Variants in GID8 observed in about 807,000 individuals in gnomAD.
GID8 encodes the protein glucose-induced degradation protein 8 homolog.
A neutral mutation model predicts 27.4 loss-of-function variants in GID8; 6 were observed. That is an observed-to-expected ratio of 0.22 (90% CI 0.12 to 0.43). The LOEUF (loss-of-function observed/expected upper bound fraction) is 0.43. Ranked by LOEUF, GID8 falls within the 20% of genes least tolerant of loss-of-function variation. The pLI, the probability that GID8 is intolerant of heterozygous loss-of-function variation, is 1.00. For missense variants in GID8, 173 were observed against 287.6 expected (o/e 0.60, Z 2.88); for synonymous variants, 112 against 109.0 (o/e 1.03, Z -0.17).
intron 2 of GID8, among the ~76,000 whole-genome samples, chr20:62,942,226 G>A (rs1323533579): frequency 6.6e-6 from 1 of 152,196 alleles, no homozygotes; most frequent in Non-Finnish European, 1.5e-5. Context: ...GACAGAGGAA[G>A]ATTGTTCGCG....
chr20:62,945,472 G>T lies in GID8; in HGVS notation c.*560G>T. 9.8e-7 allele frequency: 1 copy of T among 1,015,896 alleles called. No homozygotes were observed. Among genetic ancestry groups the T allele is most frequent in the South Asian group, 3.8e-5 (1 of 26,452 alleles). The allele number at this position is 1,015,896 out of a possible 1,614,324, so 62.9% of individuals were successfully genotyped here. A position where few individuals can be genotyped will look rare whatever the true frequency, so the allele number is the denominator to read the frequency against. ...ATTTGTTTTCCCTTTGGTCTGGGTT[G>T]TGTGGCTTTTGGGGGATGCGTGTGA... is the stretch of plus-strand genomic sequence containing the variant. On this transcript the variant is annotated 3_prime_UTR_variant, in exon 5 of 5. Transcript: ENST00000266069.
At chr20:62,940,111 TTTGTC>T (rs1285379337) in intron 1 of GID8, among the ~76,000 whole-genome samples, 1 of 152,214 alleles carries the variant, frequency 6.6e-6, no homozygotes, top group African/African-American at 2.4e-5. Context: ...TGTCATGTAT[TTTGTC>T]TTGTTGTTCC....
At position 62,944,985 on chromosome 20, in the gene GID8, C is replaced by A; in HGVS notation, c.*73C>A. On this transcript the variant is annotated 3_prime_UTR_variant, in exon 5 of 5. Coordinates refer to ENST00000266069, the MANE Select transcript of GID8 (RefSeq NM_017896.3). ...CTTGCCTCAGATCAGCCTGCGACTG[C>A]AAGATTCTTACTGCAGTAGAGAACT... The A allele has an allele frequency of 6.6e-7, 1 of 1,512,658 alleles. No individual in the cohort carries two copies. The highest frequency in any genetic ancestry group is 1.3e-5 in the South Asian group (1 of 79,804). The allele number at this position is 1,512,658 out of a possible 1,614,324, so 93.7% of individuals were successfully genotyped here.
chr20:62,943,976 C>T lies in GID8; in HGVS notation c.513+284C>T, dbSNP rs1436926392. Among the ~76,000 whole-genome samples, 5 of 152,014 alleles carry T rather than the reference C, an allele frequency of 3.3e-5. No individual in the cohort carries two copies. Among genetic ancestry groups the T allele is most frequent in the Non-Finnish European group, 5.9e-5 (4 of 68,008 alleles). ...TCTGCCTCCCAAGTAGCTGGGACTA[C>T]AGGAGTGTGCCACCACGCCCAGCTA... On this transcript the variant is annotated intron_variant, in intron 4 of 4. Coordinates refer to ENST00000266069, the MANE Select transcript of GID8 (RefSeq NM_017896.3). The surrounding 1 kb of genome is among the most constrained non-coding windows in gnomAD (Gnocchi z 4.7).
In GID8 at chr20:62,947,906, G is replaced by A. The variant is rs2065473241; in HGVS notation, c.*2994G>A. The A allele has an allele frequency of 6.6e-6, 1 of 152,286 alleles. No individual in the cohort carries two copies. 9.4% of individuals were successfully genotyped at this position (152,286 alleles called of 1,614,324 possible). A position where few individuals can be genotyped will look rare whatever the true frequency, so the allele number is the denominator to read the frequency against. On this transcript the variant is annotated 3_prime_UTR_variant, in exon 5 of 5. Coordinates refer to ENST00000266069, the MANE Select transcript of GID8 (RefSeq NM_017896.3). ...TTCTCTGCGTTGTTAGTTTTGAAGA[G>A]TGGAGGAGCTAGGGGCTCCAGAAAG...
Position 62,945,529 on chromosome 20 carries a change from T to C in GID8, c.*617T>C, listed in dbSNP as rs751740408. 1.6e-4 allele frequency: 165 copies of C among 1,047,992 alleles called. No individual in the cohort carries two copies. Among genetic ancestry groups the C allele is most frequent in the Non-Finnish European group, 1.9e-4 (161 of 866,016 alleles). The allele number at this position is 1,047,992 out of a possible 1,614,324, so 64.9% of individuals were successfully genotyped here. ...TATGTGTTTTTTAATTTTTTAAATA[T>C]ATATTTTGGTGCTGTGTGTGGTAAG... On this transcript the variant is annotated 3_prime_UTR_variant, in exon 5 of 5. Coordinates refer to ENST00000266069, the MANE Select transcript of GID8 (RefSeq NM_017896.3).
In GID8 at chr20:62,947,930, A is replaced by G. The variant is rs1404170965; in HGVS notation, c.*3018A>G. ...AGTGGAGGAGCTAGGGGCTCCAGAAAGAATCTTACACATGTGTTGAAGACA... is the reference window on the plus strand; with the variant it reads ...AGTGGAGGAGCTAGGGGCTCCAGAAGGAATCTTACACATGTGTTGAAGACA... On this transcript the variant is annotated 3_prime_UTR_variant, in exon 5 of 5. Coordinates refer to ENST00000266069, the MANE Select transcript of GID8 (RefSeq NM_017896.3). The G allele has an allele frequency of 6.6e-6, 1 of 152,250 alleles. No individual in the cohort carries two copies. Among genetic ancestry groups the G allele is most frequent in the East Asian group, 1.9e-4 (1 of 5,206 alleles). The allele number at this position is 152,250 out of a possible 1,614,324, so 9.4% of individuals were successfully genotyped here.
rs1411087020 is a variant in GID8 at position 62,944,592 on chromosome 20, G to A, written c.514-147G>A. 3 of 643,872 alleles carry A rather than the reference G, an allele frequency of 4.7e-6. No individual in the cohort carries two copies. In the East Asian group the frequency reaches 8.2e-5, roughly 18 times the overall value. 39.9% of individuals were successfully genotyped at this position (643,872 alleles called of 1,614,324 possible). A position where few individuals can be genotyped will look rare whatever the true frequency, so the allele number is the denominator to read the frequency against. On this transcript the variant is annotated intron_variant, in intron 4 of 4. Coordinates refer to ENST00000266069, the MANE Select transcript of GID8 (RefSeq NM_017896.3). Reference sequence around the variant, plus strand: ...GTGACGTTTAACAACCAGACTGTGAGCTTCCCCAGGCAAGGACTATGTATT... The same window carrying A: ...GTGACGTTTAACAACCAGACTGTGAACTTCCCCAGGCAAGGACTATGTATT...
intron 1 of GID8, among the ~76,000 whole-genome samples, chr20:62,939,489 C>T (rs934342176): frequency 1.3e-5 from 2 of 149,822 alleles, no homozygotes; most frequent in Admixed American, 1.3e-4. Flanking sequence ...AATTCAGACA[C>T]CTGCTTGATT....
chr20:62,943,239 TTGCAATGATTGAGAA>T lies in GID8; in HGVS notation c.315+57_315+71del. ...TGAATACTTGATAAGTTAAAGTTAT[TTGCAATGATTGAGAA>T]ATAACTAGGCTAATTTGCTTTAATA... On this transcript the variant is annotated intron_variant, in intron 3 of 4. Coordinates refer to ENST00000266069, the MANE Select transcript of GID8 (RefSeq NM_017896.3). The surrounding 1 kb of genome is among the most constrained non-coding windows in gnomAD (Gnocchi z 4.7). 3 of 1,309,264 alleles carry T rather than the reference TTGCAATGATTGAGAA, an allele frequency of 2.3e-6. No homozygotes were observed. The highest frequency in any genetic ancestry group is 2.2e-6 in the Non-Finnish European group (2 of 926,880). The allele number at this position is 1,309,264 out of a possible 1,614,324, so 81.1% of individuals were successfully genotyped here. A position where few individuals can be genotyped will look rare whatever the true frequency, so the allele number is the denominator to read the frequency against.
rs1386687207 is a variant in GID8, at chr20:62,945,939, C to T, written c.*1027C>T. 7.8e-7 allele frequency: 1 copy of T among 1,289,434 alleles called. No individual in the cohort carries two copies. Among genetic ancestry groups the T allele is most frequent in the Admixed American group, 2.3e-5 (1 of 43,578 alleles). 79.9% of individuals were successfully genotyped at this position (1,289,434 alleles called of 1,614,324 possible). A position where few individuals can be genotyped will look rare whatever the true frequency, so the allele number is the denominator to read the frequency against. On this transcript the variant is annotated 3_prime_UTR_variant, in exon 5 of 5. Coordinates refer to ENST00000266069, the MANE Select transcript of GID8 (RefSeq NM_017896.3). ...ATCGTCAGCTGGCTCTGCCGATGTC[C>T]TGCTTCTGTTCACTCACAGAACTGT...
At position 62,947,290 on chromosome 20, in the gene GID8, C is replaced by G. The variant is rs1159564325; in HGVS notation, c.*2378C>G. 6.6e-6 allele frequency: 1 copy of G among 152,260 alleles called. No individual in the cohort carries two copies. Among genetic ancestry groups the G allele is most frequent in the Non-Finnish European group, 1.5e-5 (1 of 68,046 alleles). The allele number at this position is 152,260 out of a possible 1,614,324, so 9.4% of individuals were successfully genotyped here. ...GGGCTGCACTTGCTTTTCTTGTGAT[C>G]TGTTAGTGGACGAGGTCTTCCAAGG... On this transcript the variant is annotated 3_prime_UTR_variant, in exon 5 of 5. Coordinates refer to ENST00000266069, the MANE Select transcript of GID8 (RefSeq NM_017896.3).
chr20:62,939,684 T>C (rs1430583315), intron 1 of GID8, among the ~76,000 whole-genome samples: 1 of 152,172 alleles, frequency 6.6e-6, no homozygotes, highest in Non-Finnish European at 1.5e-5. Flanking sequence ...CCATTGACTC[T>C]GGCCAAAGCA....
In GID8 at chr20:62,943,050, T is replaced by C; in HGVS notation, c.182T>C (p.Leu61Pro). The stretch of plus-strand genomic sequence containing the variant: ...TCTGGAATCGAACCTAGTGTGGATC[T>C]GGAAACACTTGATGAACGAATCAAG... ...MESGIEPSVD[L>P]ETLDERIKIR... Residue 61 changes from leucine (L) to proline (P), a missense_variant, in exon 3 of 5, where the codon CTG (leucine) becomes CCG (proline). By Grantham distance (98) the Leu-to-Pro change is moderately conservative. Transcript: ENST00000266069. This position sits in a 1 kb window ranked among gnomAD's most constrained non-coding sequence, Gnocchi z 4.7. 6.2e-7 allele frequency: 1 copy of C among 1,613,880 alleles called. No individual in the cohort carries two copies. Among genetic ancestry groups the C allele is most frequent in the South Asian group, 1.1e-5 (1 of 91,080 alleles).
In GID8 at chr20:62,943,298, TGA is replaced by T; in HGVS notation, c.315+117_315+118del. The stretch of plus-strand genomic sequence containing the variant: ...TTTAATAATGTTATTTCAATGCATG[TGA>T]GGGGGAGAGGTTTGAGTTTGCTCTT... On this transcript the variant is annotated intron_variant, in intron 3 of 4. Coordinates refer to ENST00000266069, the MANE Select transcript of GID8 (RefSeq NM_017896.3). This position sits in a 1 kb window ranked among gnomAD's most constrained non-coding sequence, Gnocchi z 4.7. 1 of 976,314 alleles carries T rather than the reference TGA, an allele frequency of 1.0e-6. No homozygotes were observed. Among genetic ancestry groups the T allele is most frequent in the Non-Finnish European group, 1.5e-6 (1 of 646,862 alleles). The allele number at this position is 976,314 out of a possible 1,614,324, so 60.5% of individuals were successfully genotyped here.
intron 1 of GID8, among the ~76,000 whole-genome samples, chr20:62,939,945 C>T (rs2065433618): frequency 1.3e-5 from 2 of 152,098 alleles, no homozygotes; most frequent in South Asian, 2.1e-4. Flanking sequence ...CTCAGGTATC[C>T]ACCCATTCTC....
At chr20:62,941,765 G>T (rs1455264100) in intron 2 of GID8, 145 bp downstream of exon 2, 10 of 633,292 alleles carry the variant, frequency 1.6e-5, no homozygotes, top group Non-Finnish European at 1.4e-5. Flanking sequence ...GGTAAGTTTG[G>T]AAGTTATCAT....
At position 62,943,036 on chromosome 20, in the gene GID8, A is replaced by G. The variant is rs1373688249; in HGVS notation, c.168A>G (p.Glu56=). Residue 56 remains glutamate (E), a synonymous_variant, in exon 3 of 5, where the codon GAA becomes GAG. Coordinates refer to ENST00000266069, the MANE Select transcript of GID8 (RefSeq NM_017896.3). The surrounding 1 kb of genome is among the most constrained non-coding windows in gnomAD (Gnocchi z 4.7). ...AEKFRMESGI[E]PSVDLETLDE... is the part of the protein sequence containing the mutation. ...AGTTTCGAATGGAATCTGGAATCGAACCTAGTGTGGATCTGGAAACACTTG... is the reference window on the plus strand; with the variant it reads ...AGTTTCGAATGGAATCTGGAATCGAGCCTAGTGTGGATCTGGAAACACTTG... The G allele has an allele frequency of 6.2e-7, 1 of 1,614,118 alleles. No individual in the cohort carries two copies.
rs2065449981 is a variant in GID8, at chr20:62,942,974, T to C, written c.119-13T>C. On this transcript the variant is annotated splice_polypyrimidine_tract_variant and intron_variant, in intron 2 of 4. Coordinates refer to ENST00000266069, the MANE Select transcript of GID8 (RefSeq NM_017896.3). ...CTAACTTTCCTAGCAGTGAAGATGG[T>C]TTTTCTATTCAGAGGGCTTTAAGGA... 6.3e-7 allele frequency: 1 copy of C among 1,599,004 alleles called. No individual in the cohort carries two copies. The highest frequency in any genetic ancestry group is 1.1e-5 in the South Asian group (1 of 90,578).
Sources: allele counts gnomAD v4.1 joint callset (sites outside exome capture counted in the v4.1 genomes callset), GRCh38; gene constraint gnomAD v4.1.1; non-coding constraint Gnocchi (gnomAD v3.1); transcripts MANE v1.5; gene names NCBI Gene and HGNC (gene_info 2026-07-23, HGNC 2026-07-21).